The following RPRD1A variants were observed in gnomAD, a reference collection of about 807,000 sequenced individuals.
RPRD1A encodes regulation of nuclear pre-mRNA domain containing 1A.
In RPRD1A, 9 loss-of-function variants were observed where a neutral mutation model predicts 37.8. The ratio of observed to expected loss-of-function variants is 0.24; its 90% CI spans 0.14 to 0.42. RPRD1A has a LOEUF of 0.42. Ranked by LOEUF, RPRD1A falls within the 10% of genes least tolerant of loss-of-function variation. The pLI, the probability that RPRD1A is intolerant of heterozygous loss-of-function variation, is 1.00. For missense variants in RPRD1A, 255 were observed against 371.0 expected, an observed-to-expected ratio of 0.69 and a Z score of 2.57; for synonymous variants, 138 against 139.7, an observed-to-expected ratio of 0.99 and a Z score of 0.08.
At chr18:36,023,374 C>T (rs1057217693) in intron 6 of RPRD1A, among the ~76,000 whole-genome samples, 13 of 152,124 alleles carry the variant, frequency 8.5e-5, no homozygotes, top group Non-Finnish European at 1.5e-4. Context: ...AGCAAGAGAA[C>T]GAGACACAGA....
chr18:36,046,473 T>C (rs190652500), intron 1 of RPRD1A, among the ~76,000 whole-genome samples: 1 of 152,134 alleles, frequency 6.6e-6, no homozygotes, highest in East Asian at 1.9e-4. Flanking sequence ...CACACAACAG[T>C]ACCAGAGTAC....
intron 6 of RPRD1A, among the ~76,000 whole-genome samples, chr18:36,015,173 TACACACACACACAC>T (rs368940718): frequency 4.6e-5 from 6 of 130,952 alleles, no homozygotes; most frequent in African/African-American, 8.9e-5. Context: ...TACACATATA[TACACACACACACAC>T]ACACACACAC....
intron 3 of RPRD1A, 30 bp downstream of exon 3, chr18:36,030,953 GAAGAGATC>G: frequency 6.3e-7 from 1 of 1,597,028 alleles, no homozygotes; most frequent in Middle Eastern, 1.7e-4. Context: ...ACATTTTAAT[GAAGAGATC>G]AAGGTAAGAG....
intron 1 of RPRD1A, among the ~76,000 whole-genome samples, chr18:36,055,834 G>A (rs2144399013): frequency 6.6e-6 from 1 of 152,208 alleles, no homozygotes; most frequent in East Asian, 1.9e-4. Context: ...GAGTATAACA[G>A]TGCAACATGA....
intron 6 of RPRD1A, among the ~76,000 whole-genome samples, chr18:36,000,821 AAG>A (rs1909370398): frequency 6.6e-6 from 1 of 152,226 alleles, no homozygotes; most frequent in Non-Finnish European, 1.5e-5. Flanking sequence ...GCTCCAACTT[AAG>A]ATAATCTGTC....
chr18:36,014,777 T>C lies in RPRD1A; in HGVS notation c.789+12123A>G, dbSNP rs1910400392. Among the ~76,000 whole-genome samples the C allele has an allele frequency of 2.6e-5, 4 of 151,822 alleles. 1 individual carries two copies. The South Asian group carries it at 8.3e-4, about 32-fold the overall frequency. On this transcript the variant is annotated intron_variant, in intron 6 of 6. Coordinates refer to ENST00000399022, the MANE Select transcript of RPRD1A (RefSeq NM_018170.5). ...AATAAATAAATAAATAAAAATAAAA[T>C]AGGCAAAGGACTTGAATAGACATTT...
intron 1 of RPRD1A, among the ~76,000 whole-genome samples, chr18:36,047,739 T>A (rs1913059780): frequency 6.6e-6 from 1 of 152,156 alleles, no homozygotes; most frequent in Non-Finnish European, 1.5e-5. Flanking sequence ...AATGGACCAC[T>A]TCCTCAAATA....
chr18:36,024,424 G>A (rs994271215), intron 6 of RPRD1A, among the ~76,000 whole-genome samples: 10 of 151,152 alleles, frequency 6.6e-5, no homozygotes, highest in African/African-American at 2.4e-4. Flanking sequence ...CCAAAGTGCT[G>A]AGATTACAGG....
chr18:36,018,387 C>A (rs1405067128), intron 6 of RPRD1A, among the ~76,000 whole-genome samples: 1 of 151,970 alleles, frequency 6.6e-6, no homozygotes, highest in African/African-American at 2.4e-5. Flanking sequence ...CATTCTCCTG[C>A]CTCACACTCC....
chr18:35,993,154 A>G lies in RPRD1A; in HGVS notation c.936T>C (p.Asp312=), dbSNP rs776240289. The change falls in exon 7 of 7, where the codon GAT becomes GAC. Residue 312 remains aspartate (D), a synonymous_variant. Transcript: ENST00000399022. ...LPFAGDIYSE[D] ...GACCTGGAAAGAGGCTGGTCCATCA[A>G]TCTTCACTGTAGATGTCTCCCGCAA... 29 of 1,613,386 alleles carry G rather than the reference A, an allele frequency of 1.8e-5. No individual in the cohort carries two copies. The Admixed American group carries it at 4.5e-4, about 25-fold the overall frequency.
chr18:36,034,905 A>G (rs910002867), intron 1 of RPRD1A, among the ~76,000 whole-genome samples: 1 of 152,234 alleles, frequency 6.6e-6, no homozygotes, highest in African/African-American at 2.4e-5. Flanking sequence ...ACCTTCTCAT[A>G]TACTAAGTCA....
intron 1 of RPRD1A, among the ~76,000 whole-genome samples, chr18:36,035,340 T>C (rs950892422): frequency 6.6e-6 from 1 of 152,244 alleles, no homozygotes; most frequent in African/African-American, 2.4e-5. Flanking sequence ...ACTTTTACTA[T>C]GTGCTACACA....
chr18:36,014,280 C>G (rs1466526278), intron 6 of RPRD1A, among the ~76,000 whole-genome samples: 1 of 152,144 alleles, frequency 6.6e-6, no homozygotes, highest in East Asian at 1.9e-4. Flanking sequence ...CAGAAACTTC[C>G]AAGCGGAAGC....
chr18:36,034,755 T>C (rs564468996), intron 1 of RPRD1A, among the ~76,000 whole-genome samples: 39 of 152,346 alleles, frequency 2.6e-4, no homozygotes, highest in Non-Finnish European at 3.5e-4. Context: ...GGCTATCTTA[T>C]TGGATTTAAG....
intron 1 of RPRD1A, among the ~76,000 whole-genome samples, chr18:36,044,846 A>C (rs2144351793): frequency 6.6e-6 from 1 of 152,340 alleles, no homozygotes; most frequent in East Asian, 1.9e-4. Flanking sequence ...GGACACAAGC[A>C]ATCTTCCAAG....
At position 36,055,609 on chromosome 18, in the gene RPRD1A, C is replaced by T. The variant is rs550506123; in HGVS notation, c.151+11645G>A. Among the ~76,000 whole-genome samples the T allele has an allele frequency of 2.2e-4, 34 of 152,204 alleles. No homozygotes were observed. In the South Asian group the frequency reaches 6.6e-3, roughly 30 times the overall value. On this transcript the variant is annotated intron_variant, in intron 1 of 6. Transcript: ENST00000399022. ...AGCCTGACATTTGCCATTATAAAGA[C>T]GTACATTCTTTCAGATACCGTAACA... is the stretch of plus-strand genomic sequence containing the variant.
At chr18:36,042,540 A>T (rs527620602) in intron 1 of RPRD1A, among the ~76,000 whole-genome samples, 14 of 152,350 alleles carry the variant, frequency 9.2e-5, no homozygotes, top group Non-Finnish European at 1.5e-4. Flanking sequence ...AACAATTTTT[A>T]ATTCAGATTA....
intron 1 of RPRD1A, among the ~76,000 whole-genome samples, chr18:36,066,571 AAGTT>A (rs1339830445): frequency 1.2e-4 from 18 of 152,258 alleles, no homozygotes; most frequent in Non-Finnish European, 2.2e-4. Flanking sequence ...CATCTCAAAA[AAGTT>A]TACTTCATTT....
intron 1 of RPRD1A, among the ~76,000 whole-genome samples, chr18:36,044,739 TG>T (rs1467663778): frequency 6.6e-6 from 1 of 151,800 alleles, no homozygotes; most frequent in African/African-American, 2.4e-5. Flanking sequence ...TCATGTCCTC[TG>T]GCAAATAAAA....
Sources: allele counts gnomAD v4.1 joint callset (sites outside exome capture counted in the v4.1 genomes callset), GRCh38; gene constraint gnomAD v4.1.1; transcripts MANE v1.5; gene names NCBI Gene and HGNC (gene_info 2026-07-23, HGNC 2026-07-21).